The following ENTREP2 variants were observed in gnomAD, a reference collection of about 807,000 sequenced individuals.
ENTREP2 encodes endosomal transmembrane epsin interactor 2.
the ENTREP2 span, among the ~76,000 whole-genome samples, chr15:29,155,541 G>C: frequency 6.6e-6 from 1 of 152,136 alleles, no homozygotes; most frequent in African/African-American, 2.4e-5. Flanking sequence ...ACCCTCTGAA[G>C]ACCCCCATGT....
the ENTREP2 span, among the ~76,000 whole-genome samples, chr15:29,300,292 G>A: frequency 3.2e-5 from 2 of 61,598 alleles, no homozygotes; most frequent in East Asian, 1.1e-3. Flanking sequence ...GAATCGGTAG[G>A]TGGGTAGATG....
the ENTREP2 span, among the ~76,000 whole-genome samples, chr15:29,617,279 G>A: frequency 6.6e-6 from 1 of 152,194 alleles, no homozygotes; most frequent in South Asian, 2.1e-4. Flanking sequence ...GAATGCACAC[G>A]TCCAAGGGCT....
At chr15:29,233,714 A>G in the ENTREP2 span, 3 of 1,320,278 alleles carry the variant, frequency 2.3e-6, no homozygotes, top group East Asian at 2.3e-5. Context: ...TTGCTCATCA[A>G]GTTACATGGA....
chr15:29,159,054 G>A, the ENTREP2 span, among the ~76,000 whole-genome samples: 3 of 152,212 alleles, frequency 2.0e-5, no homozygotes, highest in Non-Finnish European at 4.4e-5. Context: ...TCGTGGTAGT[G>A]TATCTGGAAT....
chr15:29,167,669 A>G, the ENTREP2 span, among the ~76,000 whole-genome samples: 1 of 152,236 alleles, frequency 6.6e-6, no homozygotes, highest in Non-Finnish European at 1.5e-5. Context: ...AACAAACAGT[A>G]GATGTTGACA....
chr15:29,672,496 G>A, the ENTREP2 span, among the ~76,000 whole-genome samples: 1 of 151,882 alleles, frequency 6.6e-6, no homozygotes, highest in African/African-American at 2.4e-5. Flanking sequence ...GTCAAATCAA[G>A]TATGGGAAAT....
chr15:29,378,798 C>T, the ENTREP2 span, among the ~76,000 whole-genome samples: 4 of 152,046 alleles, frequency 2.6e-5, no homozygotes, highest in African/African-American at 4.8e-5. Flanking sequence ...TCTGTGTATG[C>T]GTGTGTATAT....
chr15:29,570,533 T>C, the ENTREP2 span: 1 of 1,452,710 alleles, frequency 6.9e-7, no homozygotes, highest in Non-Finnish European at 9.1e-7. Context: ...GGGGCAGGAG[T>C]GGCGGACGCG....
the ENTREP2 span, among the ~76,000 whole-genome samples, chr15:29,311,497 C>T: frequency 2.0e-5 from 3 of 152,214 alleles, no homozygotes; most frequent in Non-Finnish European, 4.4e-5. Flanking sequence ...CCAGCCCAGC[C>T]TGGCCAACAT....
the ENTREP2 span, among the ~76,000 whole-genome samples, chr15:29,506,081 CT>C: frequency 4.6e-5 from 7 of 152,054 alleles, no homozygotes; most frequent in South Asian, 1.0e-3. Context: ...CCTGATGGAG[CT>C]GAAAAACACA....
the ENTREP2 span, among the ~76,000 whole-genome samples, chr15:29,382,154 C>T: frequency 2.6e-5 from 4 of 151,638 alleles, no homozygotes; most frequent in South Asian, 2.1e-4. Context: ...CCTAGCTACT[C>T]GGGAGGCTGA....
the ENTREP2 span, among the ~76,000 whole-genome samples, chr15:29,261,605 C>A: frequency 6.6e-6 from 1 of 152,062 alleles, no homozygotes; most frequent in African/African-American, 2.4e-5. Context: ...CATATTAGGC[C>A]AAAGACCATG....
At chr15:29,627,986 G>GT in the ENTREP2 span, among the ~76,000 whole-genome samples, 1 of 152,122 alleles carries the variant, frequency 6.6e-6, no homozygotes, top group African/African-American at 2.4e-5. Context: ...TCCATTCCGT[G>GT]TAAGTATATA....
the ENTREP2 span, among the ~76,000 whole-genome samples, chr15:29,587,468 A>G: frequency 6.6e-6 from 1 of 152,158 alleles, no homozygotes; most frequent in Non-Finnish European, 1.5e-5. Flanking sequence ...TACTCATTGT[A>G]AGGCATTCAA....
chr15:29,203,024 T>C, the ENTREP2 span, among the ~76,000 whole-genome samples: 1 of 152,296 alleles, frequency 6.6e-6, no homozygotes, highest in East Asian at 1.9e-4. Flanking sequence ...CTGGGTCAAA[T>C]GGTATTTCTG....
At chr15:29,172,857 C>T in the ENTREP2 span, among the ~76,000 whole-genome samples, 2 of 152,156 alleles carry the variant, frequency 1.3e-5, no homozygotes, top group Non-Finnish European at 1.5e-5. Context: ...GAGGTGGCCT[C>T]CCAGTACCTC....
chr15:29,668,954 T>A, the ENTREP2 span, among the ~76,000 whole-genome samples: 1 of 152,274 alleles, frequency 6.6e-6, no homozygotes, highest in Non-Finnish European at 1.5e-5. Context: ...TCAAGCCCTT[T>A]GAATCTTCCC....
chr15:29,321,792 G>A, the ENTREP2 span, among the ~76,000 whole-genome samples: 1 of 152,074 alleles, frequency 6.6e-6, no homozygotes, highest in African/African-American at 2.4e-5. Context: ...ATGGACACAG[G>A]GAGGGGAACA....
the ENTREP2 span, among the ~76,000 whole-genome samples, chr15:29,397,490 A>G: frequency 4.3e-4 from 65 of 152,218 alleles, no homozygotes; most frequent in African/African-American, 1.2e-3. Context: ...CTGTCAAGCT[A>G]GCAGTGGTTA....
Sources: gnomAD v4.1 joint callset for allele counts (sites outside exome capture counted in the v4.1 genomes callset) on GRCh38, gnomAD v4.1.1 for gene constraint, MANE v1.5 for transcripts, NCBI Gene and HGNC (gene_info 2026-07-23, HGNC 2026-07-21) for gene names.